TLK1: variants seen among roughly 807,000 people sequenced by gnomAD.
TLK1 encodes the protein tousled like kinase 1, also known as serine/threonine-protein kinase tousled-like 1.
A neutral mutation model predicts 105.3 loss-of-function variants in TLK1; 24 were observed. The observed-to-expected ratio is 0.23, with a 90% CI of 0.17 to 0.32. The LOEUF (loss-of-function observed/expected upper bound fraction) is 0.32, where lower values mean the gene tolerates loss of function less well. Among genes scored for constraint, TLK1 ranks in the 10% least tolerant of loss-of-function variants. TLK1 has a pLI of 1.00. For missense variants in TLK1, 558 were observed against 910.5 expected, an observed-to-expected ratio of 0.61 and a Z score of 4.98; for synonymous variants, 321 against 310.4, an observed-to-expected ratio of 1.03 and a Z score of -0.36.
chr2:171,157,411 T>C (rs373707461), intron 1 of TLK1, among the ~76,000 whole-genome samples: 1 of 152,186 alleles, frequency 6.6e-6, no homozygotes, highest in East Asian at 1.9e-4. Context: ...ATGGAGATTA[T>C]AGGTTTAAAA....
At chr2:171,041,424 C>T (rs1228498772) in intron 11 of TLK1, among the ~76,000 whole-genome samples, 1 of 152,180 alleles carries the variant, frequency 6.6e-6, no homozygotes, top group African/African-American at 2.4e-5. Context: ...CATCTGGATT[C>T]CCCACCCCTG....
At chr2:171,216,461 G>C (rs1025208605) in intron 1 of TLK1, among the ~76,000 whole-genome samples, 18 of 152,176 alleles carry the variant, frequency 1.2e-4, no homozygotes. Flanking sequence ...GGGCGACAGA[G>C]CAAGACTCCG....
intron 3 of TLK1, chr2:171,066,792 T>C: frequency 6.5e-7 from 1 of 1,537,744 alleles, no homozygotes; most frequent in African/African-American, 1.4e-5. Context: ...TTAAACAGTA[T>C]ATACTATAAA....
intron 8 of TLK1, 130 bp from the exon 9 acceptor site, chr2:171,050,304 G>GAA (rs72027962): frequency 8.6e-5 from 36 of 416,484 alleles, no homozygotes; most frequent in South Asian, 1.3e-4. Flanking sequence ...TATGATACGA[G>GAA]AAAAAAAAAA....
intron 18 of TLK1, among the ~76,000 whole-genome samples, chr2:171,005,454 A>G (rs1684601447): frequency 2.0e-5 from 3 of 152,246 alleles, no homozygotes; most frequent in Non-Finnish European, 4.4e-5. Flanking sequence ...CATCTTCCAC[A>G]AAAACCACCA....
chr2:171,185,213 C>T (rs575990409), intron 1 of TLK1, among the ~76,000 whole-genome samples: 59 of 152,204 alleles, frequency 3.9e-4, no homozygotes, highest in Non-Finnish European at 4.4e-5. Flanking sequence ...TAATCCCCAT[C>T]CTTACCTCTT....
chr2:171,140,853 C>A (rs1375506356), intron 1 of TLK1, among the ~76,000 whole-genome samples: 1 of 152,060 alleles, frequency 6.6e-6, no homozygotes, highest in African/African-American at 2.4e-5. Flanking sequence ...TTATCAGACA[C>A]AGACTCTCGA....
upstream of TLK1, among the ~76,000 whole-genome samples, chr2:171,162,278 G>A (rs1178028400): frequency 2.0e-5 from 3 of 152,188 alleles, no homozygotes; most frequent in South Asian, 4.1e-4. Context: ...GGTGGCTCAC[G>A]CCTGTAACCC....
chr2:171,095,016 A>G (rs1386706813), intron 2 of TLK1, among the ~76,000 whole-genome samples: 1 of 152,142 alleles, frequency 6.6e-6, no homozygotes, highest in African/African-American at 2.4e-5. Flanking sequence ...TAAACAACAC[A>G]CTCCTAAATA....
At chr2:171,165,336 G>A (rs1692587501), upstream of TLK1, among the ~76,000 whole-genome samples, 2 of 152,198 alleles carry the variant, frequency 1.3e-5, no homozygotes, top group African/African-American at 4.8e-5. Flanking sequence ...CGATCAATGA[G>A]CTGGGTTTCA....
intron 1 of TLK1, among the ~76,000 whole-genome samples, chr2:171,141,382 T>C (rs996610986): frequency 6.6e-5 from 10 of 152,182 alleles, no homozygotes; most frequent in African/African-American, 1.9e-4. Flanking sequence ...TAAATGTTAA[T>C]TGGTATCAAC....
chr2:171,056,622 T>G (rs759676588), intron 5 of TLK1, 56 bp from the exon 6 acceptor site: 38 of 1,393,066 alleles, frequency 2.7e-5, no homozygotes, highest in Non-Finnish European at 3.9e-5. Flanking sequence ...CAGACAGTTA[T>G]TTCAGATATG....
chr2:171,030,295 C>T (rs1685977432), intron 11 of TLK1, among the ~76,000 whole-genome samples: 1 of 134,542 alleles, frequency 7.4e-6, no homozygotes, highest in African/African-American at 2.5e-5. Context: ...TAGTATTCCA[C>T]CCGCAACATC....
At chr2:171,192,747 G>T (rs1237353455) in intron 1 of TLK1, among the ~76,000 whole-genome samples, 1 of 152,130 alleles carries the variant, frequency 6.6e-6, no homozygotes, top group African/African-American at 2.4e-5. Flanking sequence ...TGAACCACTG[G>T]ACTTTAAGGT....
chr2:171,143,623 T>C lies in TLK1; in HGVS notation c.139+16667A>G, dbSNP rs76642105. On this transcript the variant is annotated intron_variant, in intron 1 of 20. Transcript: ENST00000431350. ...AGTTTCTATATATTGCAAGAATTAA[T>C]GTAGCTATGAAGTAGACTCTGATAA... 4.2e-3 allele frequency among the ~76,000 whole-genome samples: 621 copies of C among 148,718 alleles called. 3 individuals are homozygous for C. Among genetic ancestry groups the C allele is most frequent in the African/African-American group, 0.014 (575 of 40,646 alleles).
In TLK1 at chr2:171,062,481, T is replaced by G. The variant is rs569311152; in HGVS notation, c.331-1325A>C. 9.2e-5 allele frequency among the ~76,000 whole-genome samples: 14 copies of G among 152,300 alleles called. No homozygotes were observed. In the South Asian group the frequency reaches 2.9e-3, roughly 32 times the overall value. ...TATTTAAAGTTCTCCCACCTCCATTTTGCCAACAAGATAACAGATTCAGAG... is the reference window on the plus strand; with the variant it reads ...TATTTAAAGTTCTCCCACCTCCATTGTGCCAACAAGATAACAGATTCAGAG... On this transcript the variant is annotated intron_variant, in intron 3 of 20. Coordinates refer to ENST00000431350, the MANE Select transcript of TLK1 (RefSeq NM_012290.5).
upstream of TLK1, chr2:171,160,966 AGCGGCGGCGGCGGCG>A (rs546390551): frequency 7.1e-5 from 11 of 155,336 alleles, no homozygotes; most frequent in East Asian, 2.1e-4. This position sits in a 1 kb window ranked among gnomAD's most constrained non-coding sequence, Gnocchi z 4.4. Flanking sequence ...CGCCTCCGGT[AGCGGCGGCGGCGGCG>A]GCGGCGGCAG....
chr2:171,010,869 G>A (rs1311936976), intron 14 of TLK1, among the ~76,000 whole-genome samples: 2 of 152,124 alleles, frequency 1.3e-5, no homozygotes, highest in Non-Finnish European at 2.9e-5. Flanking sequence ...CTGGTTAATG[G>A]TGACTAGGTA....
chr2:171,088,415 G>A (rs1324895930), intron 2 of TLK1, among the ~76,000 whole-genome samples: 2 of 152,202 alleles, frequency 1.3e-5, no homozygotes, highest in Non-Finnish European at 2.9e-5. Flanking sequence ...AGTGCCTAAT[G>A]CACAGATATG....
Sources: allele counts gnomAD v4.1 joint callset (sites outside exome capture counted in the v4.1 genomes callset), GRCh38; gene constraint gnomAD v4.1.1; non-coding constraint Gnocchi (gnomAD v3.1); transcripts MANE v1.5; gene names NCBI Gene and HGNC (gene_info 2026-07-23, HGNC 2026-07-21).